Variants in GALNT10 observed in about 807,000 individuals in gnomAD.
GALNT10 encodes polypeptide N-acetylgalactosaminyltransferase 10.
GALNT10 carries 41 observed loss-of-function variants against 75.0 expected under a neutral mutation model. That is an observed-to-expected ratio of 0.55 (90% CI 0.43 to 0.71). The LOEUF (loss-of-function observed/expected upper bound fraction) is 0.71. Among genes scored for constraint, GALNT10 ranks in the 30% least tolerant of loss-of-function variants. The pLI, the probability that GALNT10 is intolerant of heterozygous loss-of-function variation, is 0.00. For missense variants in GALNT10, 727 were observed against 818.5 expected, an observed-to-expected ratio of 0.89 and a Z score of 1.36; for synonymous variants, 302 against 313.0, an observed-to-expected ratio of 0.96 and a Z score of 0.37.
intron 1 of GALNT10, among the ~76,000 whole-genome samples, chr5:154,271,701 C>T (rs1029590603): frequency 1.3e-5 from 2 of 152,164 alleles, no homozygotes; most frequent in Non-Finnish European, 2.9e-5. Context: ...GCCACATGTC[C>T]AGTCATCTGT....
intron 1 of GALNT10, among the ~76,000 whole-genome samples, chr5:154,250,217 T>G (rs550672815): frequency 6.6e-6 from 1 of 152,318 alleles, no homozygotes; most frequent in African/African-American, 2.4e-5. Context: ...AACTGATAAG[T>G]CAGTCCTTTG....
chr5:154,326,244 A>C (rs1036820154), intron 3 of GALNT10, among the ~76,000 whole-genome samples: 1 of 152,218 alleles, frequency 6.6e-6, no homozygotes, highest in Admixed American at 6.5e-5. Flanking sequence ...GATGGACAAT[A>C]GCAAGAATTG....
intron 3 of GALNT10, among the ~76,000 whole-genome samples, chr5:154,301,949 G>T (rs1754369026): frequency 6.6e-6 from 1 of 152,160 alleles, no homozygotes; most frequent in Admixed American, 6.5e-5. Flanking sequence ...AACTGCAAAA[G>T]ATGTCACTAC....
At chr5:154,265,934 A>G (rs539263974) in intron 1 of GALNT10, among the ~76,000 whole-genome samples, 17 of 151,882 alleles carry the variant, frequency 1.1e-4, no homozygotes, top group African/African-American at 4.1e-4. Flanking sequence ...ACCTTCCTCC[A>G]CTCTCATCAG....
intron 4 of GALNT10, among the ~76,000 whole-genome samples, chr5:154,375,631 C>T (rs557044444): frequency 1.6e-4 from 24 of 152,188 alleles, no homozygotes; most frequent in Non-Finnish European, 2.4e-4. Flanking sequence ...CGTATTTTTA[C>T]AGGTTGGCTT....
intron 3 of GALNT10, among the ~76,000 whole-genome samples, chr5:154,301,186 T>A (rs1219626463): frequency 6.6e-6 from 1 of 152,234 alleles, no homozygotes; most frequent in Non-Finnish European, 1.5e-5. Flanking sequence ...TTGAATTTTT[T>A]AAAAAAATTA....
At position 154,418,820 on chromosome 5, in the gene GALNT10, C is replaced by T. The variant is rs1190369134; in HGVS notation, c.*1848C>T. 6.6e-6 allele frequency: 1 copy of T among 152,254 alleles called. No individual in the cohort carries two copies. The highest frequency in any genetic ancestry group is 2.4e-5 in the African/African-American group (1 of 41,440). 9.4% of individuals were successfully genotyped at this position (152,254 alleles called of 1,614,324 possible). On this transcript the variant is annotated 3_prime_UTR_variant, in exon 12 of 12. Transcript: ENST00000297107. Reference sequence around the variant, plus strand: ...ACGCTTACGTGTTGATCCCAGTGTCCTTTTCCAAATGAGTGCTGTAGCTTT... The same window carrying T: ...ACGCTTACGTGTTGATCCCAGTGTCTTTTTCCAAATGAGTGCTGTAGCTTT...
In GALNT10 at chr5:154,409,770, T is replaced by C. The variant is rs530727436; in HGVS notation, c.1386+8T>C. 1.8e-4 allele frequency: 292 copies of C among 1,586,556 alleles called. 2 individuals are homozygous for C. In the South Asian group the frequency reaches 2.1e-3, roughly 11 times the overall value. ...GCTGCAGCTTGGGGGGAGGTGAGTC[T>C]GGAGGGCAGGGCTGGCTCCATAATT... On this transcript the variant is annotated splice_region_variant and intron_variant, in intron 9 of 11. Transcript: ENST00000297107. The surrounding 1 kb of genome is among the most constrained non-coding windows in gnomAD (Gnocchi z 4.5).
chr5:154,315,229 T>C (rs563072586), intron 3 of GALNT10, among the ~76,000 whole-genome samples: 2 of 152,246 alleles, frequency 1.3e-5, no homozygotes, highest in Non-Finnish European at 2.9e-5. Context: ...ACAGAATTCC[T>C]TGGCTTCATG....
At chr5:154,380,695 A>T in intron 6 of GALNT10, 64 bp downstream of exon 6, 1 of 1,150,976 alleles carries the variant, frequency 8.7e-7, no homozygotes, top group Non-Finnish European at 1.3e-6. Flanking sequence ...ACACGCACAC[A>T]ACTCAGGATC....
intron 1 of GALNT10, among the ~76,000 whole-genome samples, chr5:154,210,360 G>A (rs1176546425): frequency 6.7e-6 from 1 of 148,222 alleles, no homozygotes; most frequent in Non-Finnish European, 1.5e-5. Context: ...AGGCACACAT[G>A]CACTTGCATG....
chr5:154,257,800 C>T (rs1447943141), intron 1 of GALNT10, among the ~76,000 whole-genome samples: 1 of 152,100 alleles, frequency 6.6e-6, no homozygotes, highest in African/African-American at 2.4e-5. Context: ...ATTTATCTGA[C>T]ATCATTAGGG....
intron 1 of GALNT10, among the ~76,000 whole-genome samples, chr5:154,262,231 A>G (rs539222800): frequency 6.9e-4 from 104 of 150,292 alleles, no homozygotes; most frequent in Admixed American, 1.5e-3. Flanking sequence ...GGAGGGGCCC[A>G]GACAGGTTGA....
intron 1 of GALNT10, among the ~76,000 whole-genome samples, chr5:154,285,360 A>T (rs1469034760): frequency 6.6e-6 from 1 of 152,134 alleles, no homozygotes; most frequent in Non-Finnish European, 1.5e-5. Context: ...ATCCTATCTC[A>T]TTAGGTCTGA....
chr5:154,403,901 A>C, intron 7 of GALNT10: 1 of 642,080 alleles, frequency 1.6e-6, no homozygotes, highest in East Asian at 2.8e-5. Context: ...AGTGTGTGGC[A>C]ATGGTAAGCA....
At chr5:154,293,605 A>ATT (rs1418078654) in intron 1 of GALNT10, among the ~76,000 whole-genome samples, 1 of 121,010 alleles carries the variant, frequency 8.3e-6, no homozygotes, top group African/African-American at 3.4e-5. Flanking sequence ...ATATATATAT[A>ATT]TATATATATT....
intron 1 of GALNT10, among the ~76,000 whole-genome samples, chr5:154,284,933 A>G (rs1461969682): frequency 1.3e-5 from 2 of 152,324 alleles, no homozygotes; most frequent in East Asian, 1.9e-4. Flanking sequence ...TAATATAGTC[A>G]AGTCTAATCT....
At chr5:154,353,478 T>C (rs544404311) in intron 4 of GALNT10, among the ~76,000 whole-genome samples, 1 of 152,198 alleles carries the variant, frequency 6.6e-6, no homozygotes, top group East Asian at 1.9e-4. Context: ...TTGGAGTCAC[T>C]GTGGCCAGTG....
chr5:154,369,967 T>C (rs955598610), intron 4 of GALNT10, among the ~76,000 whole-genome samples: 7 of 152,226 alleles, frequency 4.6e-5, no homozygotes, highest in African/African-American at 1.7e-4. Context: ...TTGGCGCTCC[T>C]CAGTGCTGTT....
Sources: allele counts gnomAD v4.1 joint callset (sites outside exome capture counted in the v4.1 genomes callset), GRCh38; gene constraint gnomAD v4.1.1; non-coding constraint Gnocchi (gnomAD v3.1); transcripts MANE v1.5; gene names NCBI Gene and HGNC (gene_info 2026-07-23, HGNC 2026-07-21).